The following FRMPD4 variants were observed in gnomAD, a reference collection of about 807,000 sequenced individuals.
FRMPD4 encodes FERM and PDZ domain containing 4, also known as FERM and PDZ domain-containing protein 4.
In FRMPD4, 22 loss-of-function variants were observed where a neutral mutation model predicts 94.1. That is an observed-to-expected ratio of 0.23 (90% CI 0.17 to 0.33). FRMPD4 has a LOEUF of 0.33. Ranked by LOEUF, FRMPD4 falls within the 10% of genes least tolerant of loss-of-function variation. The pLI, the probability that FRMPD4 is intolerant of heterozygous loss-of-function variation, is 1.00. For missense variants in FRMPD4, 1,111 were observed against 1,339.9 expected (o/e 0.83, Z 2.67); for synonymous variants, 631 against 548.6 (o/e 1.15, Z -2.10).
At chrX:12,098,003 C>G (rs2055220997) in intron 3 of FRMPD4, among the ~76,000 whole-genome samples, 1 of 111,966 alleles carries the variant, frequency 8.9e-6, no homozygotes, top group Admixed American at 9.5e-5. Context: ...AACCTATTTT[C>G]CAAAGTGGCT....
At chrX:12,150,742 A>G (rs908760205) in intron 1 of FRMPD4, among the ~76,000 whole-genome samples, 2 of 111,751 alleles carry the variant, frequency 1.8e-5, no homozygotes, top group African/African-American at 3.2e-5. Flanking sequence ...TCCTTTCAAA[A>G]TATTACTGCC....
intron 1 of FRMPD4, among the ~76,000 whole-genome samples, chrX:12,484,174 C>T (rs760520999): frequency 9.1e-4 from 102 of 112,025 alleles, no homozygotes; most frequent in African/African-American, 3.2e-3. Context: ...AAAAGATACA[C>T]ATATAAAGGA....
At chrX:11,951,180 GT>G (rs942839962) in intron 3 of FRMPD4, among the ~76,000 whole-genome samples, 1 of 110,803 alleles carries the variant, frequency 9.0e-6, no homozygotes, top group Non-Finnish European at 1.9e-5. Flanking sequence ...GGAAAACAGT[GT>G]GGTGATTCCT....
At chrX:12,451,106 G>T (rs935461857) in intron 1 of FRMPD4, among the ~76,000 whole-genome samples, 1 of 111,091 alleles carries the variant, frequency 9.0e-6, no homozygotes, top group Non-Finnish European at 1.9e-5. Context: ...TAGGATCTGC[G>T]CACTGGCTCT....
intron 1 of FRMPD4, among the ~76,000 whole-genome samples, chrX:12,190,533 T>A (rs2056478394): frequency 9.1e-6 from 1 of 110,329 alleles, no homozygotes; most frequent in African/African-American, 3.3e-5. Context: ...GGCAAAAGAA[T>A]AGACAAATCA....
At chrX:11,981,642 C>T (rs900266622) in intron 3 of FRMPD4, among the ~76,000 whole-genome samples, 3 of 111,557 alleles carry the variant, frequency 2.7e-5, no homozygotes, top group Non-Finnish European at 3.8e-5. Context: ...TTTTAACAAG[C>T]AAGTACGGTC....
At chrX:12,297,512 A>G (rs898730007) in intron 1 of FRMPD4, among the ~76,000 whole-genome samples, 1 of 111,764 alleles carries the variant, frequency 8.9e-6, no homozygotes, top group Non-Finnish European at 1.9e-5. Flanking sequence ...GTGGGAAAAA[A>G]CAGAATTGTG....
chrX:11,916,010 A>G (rs905325464), intron 3 of FRMPD4, among the ~76,000 whole-genome samples: 1 of 112,257 alleles, frequency 8.9e-6, no homozygotes, highest in Non-Finnish European at 1.9e-5. Context: ...CACCCAAAAG[A>G]GGCAGCAAAT....
chrX:12,450,576 C>A (rs747100432), intron 1 of FRMPD4, among the ~76,000 whole-genome samples: 1 of 111,098 alleles, frequency 9.0e-6, no homozygotes, highest in South Asian at 3.8e-4. Flanking sequence ...AATATCATTG[C>A]CCACAGCTTA....
At chrX:12,448,617 GGTTT>G (rs1397502031) in intron 1 of FRMPD4, among the ~76,000 whole-genome samples, 4 of 112,226 alleles carry the variant, frequency 3.6e-5, no homozygotes, top group Non-Finnish European at 7.5e-5. Flanking sequence ...CAGGCAAATG[GGTTT>G]GTTTTTTTGT....
intron 3 of FRMPD4, among the ~76,000 whole-genome samples, chrX:12,102,556 T>A (rs1293892714): frequency 9.0e-6 from 1 of 111,676 alleles, no homozygotes; most frequent in African/African-American, 3.3e-5. Context: ...TGTGAACTTT[T>A]TGGAAATTTT....
At chrX:11,854,814 C>G (rs973403113) in intron 1 of FRMPD4, among the ~76,000 whole-genome samples, 42 of 112,009 alleles carry the variant, frequency 3.7e-4, no homozygotes, top group African/African-American at 1.4e-3. Flanking sequence ...GAAGCTTTTC[C>G]AGGTGCATGG....
chrX:12,581,836 C>T (rs1482138847), intron 2 of FRMPD4, among the ~76,000 whole-genome samples: 6 of 112,226 alleles, frequency 5.3e-5, no homozygotes, highest in Admixed American at 3.8e-4. Flanking sequence ...CCCTCTCTTC[C>T]TTCAGATTCT....
At chrX:12,560,808 C>A (rs1301691839) in intron 2 of FRMPD4, among the ~76,000 whole-genome samples, 1 of 71,865 alleles carries the variant, frequency 1.4e-5, no homozygotes, top group Non-Finnish European at 2.4e-5. Flanking sequence ...CTCGCTCTGT[C>A]GCCCAGGCTG....
intron 3 of FRMPD4, among the ~76,000 whole-genome samples, chrX:11,970,878 C>G (rs2054336557): frequency 8.9e-6 from 1 of 111,896 alleles, no homozygotes; most frequent in Admixed American, 9.5e-5. Context: ...GATAATTACC[C>G]CGTGGCTCAA....
At chrX:12,625,778 A>G (rs1271425358) in intron 4 of FRMPD4, among the ~76,000 whole-genome samples, 7 of 111,869 alleles carry the variant, frequency 6.3e-5, no homozygotes, top group African/African-American at 2.3e-4. Context: ...AAAATAGCTA[A>G]AAGAGAATTA....
At chrX:12,449,704 C>T (rs1186544660) in intron 1 of FRMPD4, among the ~76,000 whole-genome samples, 3 of 111,570 alleles carry the variant, frequency 2.7e-5, no homozygotes, top group African/African-American at 9.8e-5. Context: ...ATAGGCAGTT[C>T]AGGCCAGGCA....
At chrX:12,367,007 G>T (rs1379911711) in intron 1 of FRMPD4, among the ~76,000 whole-genome samples, 1 of 111,292 alleles carries the variant, frequency 9.0e-6, no homozygotes, top group East Asian at 2.8e-4. Flanking sequence ...AACCAGGCAG[G>T]CACACAGACT....
intron 1 of FRMPD4, among the ~76,000 whole-genome samples, chrX:12,337,588 A>G (rs1034429437): frequency 1.8e-5 from 2 of 112,059 alleles, no homozygotes; most frequent in Non-Finnish European, 3.8e-5. Context: ...ATAACCAAAT[A>G]TGCCTTTGAG....
Sources: gnomAD v4.1 joint callset for allele counts (sites outside exome capture counted in the v4.1 genomes callset) on GRCh38, gnomAD v4.1.1 for gene constraint, MANE v1.5 for transcripts, NCBI Gene and HGNC (gene_info 2026-07-23, HGNC 2026-07-21) for gene names.